Variants in TBL1XR1 observed in about 807,000 individuals in gnomAD.
TBL1XR1 encodes TBL1X/Y related 1, also known as F-box-like/WD repeat-containing protein TBL1XR1.
In TBL1XR1, 5 loss-of-function variants were observed where a neutral mutation model predicts 66.9. The ratio of observed to expected loss-of-function variants is 0.07; its 90% CI spans 0.04 to 0.16. The LOEUF is 0.16. Ranked by LOEUF, TBL1XR1 falls within the 10% of genes least tolerant of loss-of-function variation. The probability of loss-of-function intolerance (pLI) is 1.00; values close to 1 mark genes in which losing one functional copy is unlikely to be tolerated. For missense variants in TBL1XR1, 238 were observed against 623.2 expected (o/e 0.38, Z 6.58); for synonymous variants, 210 against 206.0 (o/e 1.02, Z -0.17).
At chr3:177,069,753 AG>A (rs1719642920) in intron 2 of TBL1XR1, among the ~76,000 whole-genome samples, 1 of 144,668 alleles carries the variant, frequency 6.9e-6, no homozygotes, top group African/African-American at 2.6e-5. Flanking sequence ...AAAGAAAGAA[AG>A]GAAAGGAAAG....
chr3:177,068,569 C>T (rs1347239427), intron 2 of TBL1XR1, among the ~76,000 whole-genome samples: 1 of 152,156 alleles, frequency 6.6e-6, no homozygotes, highest in African/African-American at 2.4e-5. Context: ...TGAATATGTA[C>T]AGCATTTTCA....
intron 1 of TBL1XR1, among the ~76,000 whole-genome samples, chr3:177,179,622 G>A (rs991962937): frequency 2.0e-5 from 3 of 152,130 alleles, no homozygotes; most frequent in Non-Finnish European, 2.9e-5. Context: ...CAACCTCAAA[G>A]TTGCAACTAC....
intron 1 of TBL1XR1, among the ~76,000 whole-genome samples, chr3:177,116,092 A>T (rs1726273356): frequency 6.6e-6 from 1 of 152,194 alleles, no homozygotes. Context: ...GATGGAATTC[A>T]TCACACTAAG....
At chr3:177,190,263 T>C (rs971631697) in intron 1 of TBL1XR1, among the ~76,000 whole-genome samples, 15 of 152,178 alleles carry the variant, frequency 9.9e-5, no homozygotes, top group African/African-American at 3.4e-4. Context: ...GACTAGGTTT[T>C]CCCCCAGTAC....
chr3:177,044,218 T>G (rs1247527211), intron 10 of TBL1XR1, among the ~76,000 whole-genome samples: 1 of 152,192 alleles, frequency 6.6e-6, no homozygotes, highest in Non-Finnish European at 1.5e-5. Flanking sequence ...TAATAACATA[T>G]CTTCTGTGTC....
At position 177,025,377 on chromosome 3, in the gene TBL1XR1, T is replaced by C. The variant is rs1712960924; in HGVS notation, c.*121A>G. On this transcript the variant is annotated 3_prime_UTR_variant, in exon 16 of 16. Transcript: ENST00000457928. Reference sequence around the variant, plus strand: ...ATACACTGTATGTATATATTTCTTTTAGATTTGGCTGTAGTGGACTGGCCA... The same window carrying C: ...ATACACTGTATGTATATATTTCTTTCAGATTTGGCTGTAGTGGACTGGCCA... The C allele has an allele frequency of 3.1e-6, 3 of 976,980 alleles. No homozygotes were observed. The highest frequency in any genetic ancestry group is 3.1e-6 in the Non-Finnish European group (2 of 645,782). The allele number at this position is 976,980 out of a possible 1,614,324, so 60.5% of individuals were successfully genotyped here.
At chr3:177,158,927 A>G (rs1731841693) in intron 1 of TBL1XR1, among the ~76,000 whole-genome samples, 1 of 152,192 alleles carries the variant, frequency 6.6e-6, no homozygotes, top group African/African-American at 2.4e-5. Flanking sequence ...TAAACTACTA[A>G]GGCCACTAAA....
intron 2 of TBL1XR1, among the ~76,000 whole-genome samples, chr3:177,069,783 A>AAAGGAAGGAAAGGAAGGAAAGGAAGG (rs145829799): frequency 2.6e-4 from 25 of 95,452 alleles, no homozygotes; most frequent in African/African-American, 9.9e-4. Context: ...GAAAGGAAGG[A>AAAGGAAGGAAAGGAAGGAAAGGAAGG]AAAGGAAGGA....
At chr3:177,050,200 A>T (rs1716865154) in intron 6 of TBL1XR1, 62 bp from the exon 7 acceptor site, 9 of 1,542,370 alleles carry the variant, frequency 5.8e-6, no homozygotes, top group Middle Eastern at 1.7e-4. Context: ...GAACAAGGCA[A>T]CATATTTACA....
At chr3:177,200,507 C>T (rs938763777), upstream of TBL1XR1, among the ~76,000 whole-genome samples, 3 of 152,070 alleles carry the variant, frequency 2.0e-5, no homozygotes, top group Non-Finnish European at 4.4e-5. Context: ...CCCAACATAT[C>T]CAGCATAAAG....
intron 14 of TBL1XR1, among the ~76,000 whole-genome samples, chr3:177,031,636 T>C (rs1199767585): frequency 6.8e-6 from 1 of 147,156 alleles, no homozygotes; most frequent in Non-Finnish European, 1.5e-5. Flanking sequence ...CAGCCTAAAA[T>C]TTTATTAGAA....
intron 2 of TBL1XR1, among the ~76,000 whole-genome samples, chr3:177,098,253 G>C (rs185248199): frequency 6.6e-6 from 1 of 151,508 alleles, no homozygotes; most frequent in African/African-American, 2.4e-5. Flanking sequence ...ATTTTCAAAA[G>C]TAGCAATTTT....
Position 177,047,292 on chromosome 3 carries a change from G to A in TBL1XR1, c.864+8C>T. The stretch of plus-strand genomic sequence containing the variant: ...CATTTGCCTTTACAGAACTTAATGA[G>A]CTTTTACCTTGTCTACTCCAGCACT... On this transcript the variant is annotated splice_region_variant and intron_variant, in intron 9 of 15. Transcript: ENST00000457928. 2 of 1,551,592 alleles carry A rather than the reference G, an allele frequency of 1.3e-6. No homozygotes were observed. The highest frequency in any genetic ancestry group is 8.7e-7 in the Non-Finnish European group (1 of 1,147,296).
chr3:177,165,942 T>C (rs1393544679), intron 1 of TBL1XR1, among the ~76,000 whole-genome samples: 1 of 151,588 alleles, frequency 6.6e-6, no homozygotes, highest in East Asian at 1.9e-4. Context: ...CACAAAAAAT[T>C]AGCTGGACAT....
rs914335982 is a variant in TBL1XR1 at position 177,159,996 on chromosome 3, G to A, written c.-122+37125C>T. 4.6e-5 allele frequency among the ~76,000 whole-genome samples: 7 copies of A among 152,168 alleles called. No individual in the cohort carries two copies. In the East Asian group the frequency reaches 1.2e-3, roughly 25 times the overall value. On this transcript the variant is annotated intron_variant, in intron 1 of 15. Coordinates refer to ENST00000457928, the MANE Select transcript of TBL1XR1 (RefSeq NM_024665.7). ...TAATTTAACTTAATATAAAGTAGTGGTGAAGAGCAAGGCTAGACAGCTAGA... is the reference window on the plus strand; with the variant it reads ...TAATTTAACTTAATATAAAGTAGTGATGAAGAGCAAGGCTAGACAGCTAGA...
At chr3:177,092,072 C>A (rs1722903967) in intron 2 of TBL1XR1, among the ~76,000 whole-genome samples, 1 of 152,156 alleles carries the variant, frequency 6.6e-6, no homozygotes, top group Admixed American at 6.5e-5. Flanking sequence ...ACAAGTGTTT[C>A]AGATTTTGAA....
intron 1 of TBL1XR1, among the ~76,000 whole-genome samples, chr3:177,188,505 C>T (rs1735715553): frequency 6.6e-6 from 1 of 152,052 alleles, no homozygotes; most frequent in Admixed American, 6.5e-5. Context: ...CAAAATTGCG[C>T]CATTGCACTC....
intron 1 of TBL1XR1, among the ~76,000 whole-genome samples, chr3:177,123,926 T>C (rs1262736883): frequency 6.6e-6 from 1 of 152,096 alleles, no homozygotes; most frequent in African/African-American, 2.4e-5. Context: ...CTACAATTCA[T>C]GCAGCTTTCT....
chr3:177,115,495 G>A (rs1189838719), intron 1 of TBL1XR1, among the ~76,000 whole-genome samples: 1 of 152,008 alleles, frequency 6.6e-6, no homozygotes, highest in Non-Finnish European at 1.5e-5. Context: ...AAAGCCTGAG[G>A]GTCACACCCC....
Sources: allele counts gnomAD v4.1 joint callset (sites outside exome capture counted in the v4.1 genomes callset), GRCh38; gene constraint gnomAD v4.1.1; transcripts MANE v1.5; gene names NCBI Gene and HGNC (gene_info 2026-07-23, HGNC 2026-07-21).